Variants in LHFPL6 observed in about 807,000 individuals in gnomAD.
LHFPL6 encodes LHFPL tetraspan subfamily member 6.
A neutral mutation model predicts 20.6 loss-of-function variants in LHFPL6; 9 were observed. That is an observed-to-expected ratio of 0.44 (90% CI 0.26 to 0.76). The LOEUF (loss-of-function observed/expected upper bound fraction) is 0.76, where lower values mean the gene tolerates loss of function less well. Ranked by LOEUF, LHFPL6 falls within the 30% of genes least tolerant of loss-of-function variation. The pLI, the probability that LHFPL6 is intolerant of heterozygous loss-of-function variation, is 0.20. For synonymous variants in LHFPL6, 105 were observed against 98.7 expected, an observed-to-expected ratio of 1.06 and a Z score of -0.38; for missense variants, 218 against 253.5, an observed-to-expected ratio of 0.86 and a Z score of 0.95.
chr13:39,405,869 C>T (rs976548072), intron 2 of LHFPL6, among the ~76,000 whole-genome samples: 3 of 152,128 alleles, frequency 2.0e-5, no homozygotes, highest in African/African-American at 7.2e-5. Context: ...CCGAGTTGCT[C>T]GAGGGCAGAG....
Position 39,506,086 on chromosome 13 carries a change from C to G in LHFPL6, c.385+94746G>C, listed in dbSNP as rs562881029. Reference sequence around the variant, plus strand: ...GAACTATCTCTTTTTACAGACAAAACAGCCCCAAGTATAATAATATGGTTT... The same window carrying G: ...GAACTATCTCTTTTTACAGACAAAAGAGCCCCAAGTATAATAATATGGTTT... On this transcript the variant is annotated intron_variant, in intron 2 of 3. Transcript: ENST00000379589. 2.0e-4 allele frequency among the ~76,000 whole-genome samples: 30 copies of G among 152,298 alleles called. 1 individual carries two copies. The South Asian group carries it at 6.2e-3, about 32-fold the overall frequency.
At chr13:39,399,036 C>G (rs2138377303) in intron 2 of LHFPL6, among the ~76,000 whole-genome samples, 1 of 152,316 alleles carries the variant, frequency 6.6e-6, no homozygotes. Flanking sequence ...GTGTGGCCAA[C>G]CTACCCTACA....
chr13:39,566,370 C>T (rs963816672), intron 2 of LHFPL6, among the ~76,000 whole-genome samples: 6 of 152,142 alleles, frequency 3.9e-5, no homozygotes, highest in African/African-American at 1.4e-4. Flanking sequence ...AAAGCAGAAA[C>T]CATGTCTGAA....
At chr13:39,443,672 T>C (rs1238162367) in intron 2 of LHFPL6, among the ~76,000 whole-genome samples, 1 of 152,036 alleles carries the variant, frequency 6.6e-6, no homozygotes, top group Non-Finnish European at 1.5e-5. Flanking sequence ...GTAAGGGCCA[T>C]TCCAATACGG....
chr13:39,481,466 T>C (rs1868523879), intron 2 of LHFPL6, among the ~76,000 whole-genome samples: 2 of 152,188 alleles, frequency 1.3e-5, no homozygotes, highest in Non-Finnish European at 2.9e-5. Context: ...GAAAATACGA[T>C]AGGCATATGT....
chr13:39,367,669 G>A (rs1870047093), intron 3 of LHFPL6, among the ~76,000 whole-genome samples: 1 of 152,108 alleles, frequency 6.6e-6, no homozygotes, highest in African/African-American at 2.4e-5. Flanking sequence ...CAGGTGTCAG[G>A]AATCCATTTG....
At chr13:39,422,937 T>C (rs895372038) in intron 2 of LHFPL6, among the ~76,000 whole-genome samples, 1 of 152,098 alleles carries the variant, frequency 6.6e-6, no homozygotes, top group African/African-American at 2.4e-5. Flanking sequence ...CAAGGAAAAG[T>C]GCAGAGCAAA....
chr13:39,506,090 C>T (rs1566127185), intron 2 of LHFPL6, among the ~76,000 whole-genome samples: 1 of 152,072 alleles, frequency 6.6e-6, no homozygotes, highest in Non-Finnish European at 1.5e-5. Flanking sequence ...ACAAAACAGC[C>T]CCAAGTATAA....
intron 2 of LHFPL6, among the ~76,000 whole-genome samples, chr13:39,549,943 G>A (rs915070137): frequency 1.3e-5 from 2 of 152,080 alleles, no homozygotes; most frequent in African/African-American, 2.4e-5. Flanking sequence ...GACACAGAAA[G>A]TAGATTAGTG....
chr13:39,418,682 T>G (rs1373708567), intron 2 of LHFPL6, among the ~76,000 whole-genome samples: 1 of 152,212 alleles, frequency 6.6e-6, no homozygotes, highest in Non-Finnish European at 1.5e-5. Context: ...CAATAGCGGT[T>G]GTGCATTTTC....
At position 39,352,860 on chromosome 13, in the gene LHFPL6, T is replaced by C. The variant is rs1177128867; in HGVS notation, c.485-8806A>G. Among the ~76,000 whole-genome samples, 153 of 57,200 alleles carry C rather than the reference T, an allele frequency of 2.7e-3. 2 individuals carry two copies. Among genetic ancestry groups the C allele is most frequent in the African/African-American group, 9.7e-3 (124 of 12,838 alleles). The allele number at this position is 57,200 out of a possible 152,430, so 37.5% of individuals were successfully genotyped here. A position where few individuals can be genotyped will look rare whatever the true frequency, so the allele number is the denominator to read the frequency against. ...GTGTATATATATATAAATGTATATA[T>C]ATGTGTATATATATATATAAATGTA... On this transcript the variant is annotated intron_variant, in intron 3 of 3. Transcript: ENST00000379589.
intron 2 of LHFPL6, among the ~76,000 whole-genome samples, chr13:39,455,409 G>C (rs940445378): frequency 6.6e-6 from 1 of 152,074 alleles, no homozygotes; most frequent in African/African-American, 2.4e-5. Flanking sequence ...CCCATCAAAG[G>C]AGAAAAGGTG....
intron 2 of LHFPL6, among the ~76,000 whole-genome samples, chr13:39,420,749 G>A (rs1364642576): frequency 6.6e-6 from 1 of 152,172 alleles, no homozygotes; most frequent in Non-Finnish European, 1.5e-5. Flanking sequence ...AATTTGGTGA[G>A]AGACAGGAAA....
rs554992714 is a variant in LHFPL6 at position 39,470,660 on chromosome 13, T to C, written c.386-92134A>G. 9.2e-5 allele frequency among the ~76,000 whole-genome samples: 14 copies of C among 152,292 alleles called. No homozygotes were observed. The South Asian group carries it at 2.9e-3, about 32-fold the overall frequency. On this transcript the variant is annotated intron_variant, in intron 2 of 3. Transcript: ENST00000379589. ...TAATATATGGATTAGTTATTTATAA[T>C]AAATAGTTAATAACATAGACAAACA...
chr13:39,560,931 G>A (rs928521054), intron 2 of LHFPL6, among the ~76,000 whole-genome samples: 3 of 152,102 alleles, frequency 2.0e-5, no homozygotes, highest in Non-Finnish European at 1.5e-5. Flanking sequence ...TGGAGTCTTA[G>A]GTCTTACCAT....
intron 2 of LHFPL6, among the ~76,000 whole-genome samples, chr13:39,492,601 T>C (rs1451555984): frequency 6.6e-6 from 1 of 152,138 alleles, no homozygotes; most frequent in Non-Finnish European, 1.5e-5. Flanking sequence ...ATAATATACA[T>C]ATTTTTTCCA....
At chr13:39,512,601 C>CA (rs565183661) in intron 2 of LHFPL6, among the ~76,000 whole-genome samples, 26,998 of 109,512 alleles carry the variant, frequency 0.25, 3,325 homozygotes, top group Non-Finnish European at 0.29. Context: ...GCCTCCGTCT[C>CA]AAAAAAAAAA....
At chr13:39,498,399 A>G (rs913460212) in intron 2 of LHFPL6, among the ~76,000 whole-genome samples, 3 of 152,222 alleles carry the variant, frequency 2.0e-5, no homozygotes, top group Non-Finnish European at 4.4e-5. Context: ...CCTATTTGTT[A>G]AAGTACTTCA....
At chr13:39,473,893 T>G (rs866955844) in intron 2 of LHFPL6, among the ~76,000 whole-genome samples, 1 of 152,238 alleles carries the variant, frequency 6.6e-6, no homozygotes, top group South Asian at 2.1e-4. Flanking sequence ...TATTTCTTCT[T>G]CTGCTCCTCT....
Sources: gnomAD v4.1 joint callset for allele counts (sites outside exome capture counted in the v4.1 genomes callset) on GRCh38, gnomAD v4.1.1 for gene constraint, MANE v1.5 for transcripts, NCBI Gene and HGNC (gene_info 2026-07-23, HGNC 2026-07-21) for gene names.